PCDHGC3: variants seen among roughly 807,000 people sequenced by gnomAD.
PCDHGC3 encodes protocadherin gamma-C3.
A neutral mutation model predicts 59.2 loss-of-function variants in PCDHGC3; 26 were observed. The ratio of observed to expected loss-of-function variants is 0.44; its 90% CI spans 0.32 to 0.61. PCDHGC3 has a LOEUF of 0.61. Among genes scored for constraint, PCDHGC3 ranks in the 20% least tolerant of loss-of-function variants. The pLI is 0.05. For missense variants in PCDHGC3, 1,080 were observed against 1,221.8 expected (o/e 0.88, Z 1.73); for synonymous variants, 487 against 519.7 (o/e 0.94, Z 0.86).
In PCDHGC3 at chr5:141,478,118, G is replaced by A. The variant is rs1266841885; in HGVS notation, c.2002G>A (p.Glu668Lys). ...TGCTACCCTCACTGTGTCAGTAACCGAGGACTCTCCTGAAGCCCGAGCCGA... is the reference window on the plus strand; with the variant it reads ...TGCTACCCTCACTGTGTCAGTAACCAAGGACTCTCCTGAAGCCCGAGCCGA... ...TTATLTVSVTEDSPEARAEFP... is the reference protein window; with the variant it reads ...TTATLTVSVTKDSPEARAEFP... Residue 668 changes from glutamate (E) to lysine (K), a missense_variant, in exon 1 of 4, where the codon GAG (glutamate) becomes AAG (lysine). Coordinates refer to ENST00000308177, the MANE Select transcript of PCDHGC3 (RefSeq NM_002588.4). 6.2e-7 allele frequency: 1 copy of A among 1,613,930 alleles called. No individual in the cohort carries two copies. The highest frequency in any genetic ancestry group is 2.2e-5 in the East Asian group (1 of 44,888).
Position 141,490,055 on chromosome 5 carries a change from G to A in PCDHGC3, c.2431-4752G>A, listed in dbSNP as rs746297447. The A allele has an allele frequency of 1.9e-6, 3 of 1,614,068 alleles. No individual in the cohort carries two copies. The Admixed American group carries it at 5.0e-5, about 27-fold the overall frequency. On this transcript the variant is annotated intron_variant, in intron 1 of 3. Transcript: ENST00000308177. This position sits in a 1 kb window ranked among gnomAD's most constrained non-coding sequence, Gnocchi z 5.4. ...CTCAATGCCACTGATCCAGACGAGG[G>A]CACCAACGGCCAACTAGACTATTCT...
In PCDHGC3 at chr5:141,496,208, G is replaced by T. The variant is rs530974273; in HGVS notation, c.2489+1343G>T. On this transcript the variant is annotated intron_variant, in intron 2 of 3. Coordinates refer to ENST00000308177, the MANE Select transcript of PCDHGC3 (RefSeq NM_002588.4). Reference sequence around the variant, plus strand: ...CCAGCTGCTCATTTCAATCTGGTATGAATTCCTGCTGAGACAGGAACCCCC... The same window carrying T: ...CCAGCTGCTCATTTCAATCTGGTATTAATTCCTGCTGAGACAGGAACCCCC... Among the ~76,000 whole-genome samples, 13 of 152,222 alleles carry T rather than the reference G, an allele frequency of 8.5e-5. No homozygotes were observed. In the East Asian group the frequency reaches 2.3e-3, roughly 27 times the overall value.
rs2099394923 is a variant in PCDHGC3 at position 141,476,611 on chromosome 5, A to G, written c.495A>G (p.Gly165=). Residue 165 remains glycine, a synonymous_variant, in exon 1 of 4, where the codon GGA becomes GGG. Coordinates refer to ENST00000308177, the MANE Select transcript of PCDHGC3 (RefSeq NM_002588.4). The surrounding 1 kb of genome is among the most constrained non-coding windows in gnomAD (Gnocchi z 7.6). ...AGAGCGCGCACGATCCCGATGTGGG[A>G]AGCAACTCTTTACAAACCTATGAGC... ...PLESAHDPDV[G]SNSLQTYELS... 6.2e-7 allele frequency: 1 copy of G among 1,614,092 alleles called. No individual in the cohort carries two copies. Among genetic ancestry groups the G allele is most frequent in the Non-Finnish European group, 8.5e-7 (1 of 1,180,042 alleles).
Position 141,491,543 on chromosome 5 carries a change from A to G in PCDHGC3, c.2431-3264A>G. 6.2e-7 allele frequency: 1 copy of G among 1,613,842 alleles called. No individual in the cohort carries two copies. The highest frequency in any genetic ancestry group is 8.5e-7 in the Non-Finnish European group (1 of 1,179,982). ...ATGGAGGTGACGCTGCGGCCCACAG[A>G]CTCGCAGAGCCACTGCTACAGGACG... On this transcript the variant is annotated intron_variant, in intron 1 of 3. Coordinates refer to ENST00000308177, the MANE Select transcript of PCDHGC3 (RefSeq NM_002588.4). The surrounding 1 kb of genome is among the most constrained non-coding windows in gnomAD (Gnocchi z 6.9).
chr5:141,490,288 G>T lies in PCDHGC3; in HGVS notation c.2431-4519G>T, dbSNP rs2099698282. 1.2e-6 allele frequency: 2 copies of T among 1,614,080 alleles called. No homozygotes were observed. Among genetic ancestry groups the T allele is most frequent in the South Asian group, 1.1e-5 (1 of 91,092 alleles). On this transcript the variant is annotated intron_variant, in intron 1 of 3. Transcript: ENST00000308177. This position sits in a 1 kb window ranked among gnomAD's most constrained non-coding sequence, Gnocchi z 5.4. ...GGATGTCAATGACAATGCCCCAGAG[G>T]TGCTATTGGCCTCTTTGGCCAACCC...
At position 141,476,813 on chromosome 5, in the gene PCDHGC3, A is replaced by G. The variant is rs749333814; in HGVS notation, c.697A>G (p.Lys233Glu). The G allele has an allele frequency of 6.8e-6, 11 of 1,613,548 alleles. No individual in the cohort carries two copies. Among genetic ancestry groups the G allele is most frequent in the Non-Finnish European group, 9.3e-6 (11 of 1,180,022 alleles). Residue 233 changes from lysine to glutamate, a missense_variant, in exon 1 of 4, where the codon AAG becomes GAG. Physicochemically the swap from Lys to Glu is moderately conservative, Grantham distance 56. Transcript: ENST00000308177. The surrounding 1 kb of genome is among the most constrained non-coding windows in gnomAD (Gnocchi z 7.6). ...CTCCGCCAGCCTGCCTATTCACATC[A>G]AGGTGCTGGACGCGAATGACAATGC... ...ALSASLPIHI[K>E]VLDANDNAPV...
At position 141,476,901 on chromosome 5, in the gene PCDHGC3, G is replaced by C; in HGVS notation, c.785G>C (p.Arg262Pro). The change falls in exon 1 of 4, where the codon CGC becomes CCC. Residue 262 changes from arginine (R) to proline (P), a missense_variant. Coordinates refer to ENST00000308177, the MANE Select transcript of PCDHGC3 (RefSeq NM_002588.4). The surrounding 1 kb of genome is among the most constrained non-coding windows in gnomAD (Gnocchi z 7.6). ...RVLEDAPSGTRVVQVLATDLD... is the reference protein window; with the variant it reads ...RVLEDAPSGTPVVQVLATDLD... ...CTGGAGGATGCACCCTCCGGCACGC[G>C]CGTGGTACAAGTCCTTGCAACGGAT... The C allele has an allele frequency of 1.2e-6, 2 of 1,613,900 alleles. No homozygotes were observed. Among genetic ancestry groups the C allele is most frequent in the Non-Finnish European group, 1.7e-6 (2 of 1,180,034 alleles).
At chr5:141,496,799 G>C (rs2099771487) in intron 2 of PCDHGC3, among the ~76,000 whole-genome samples, 1 of 151,912 alleles carries the variant, frequency 6.6e-6, no homozygotes, top group African/African-American at 2.4e-5. Context: ...TAAACATTGG[G>C]CTATAGGAGT....
intron 1 of PCDHGC3, chr5:141,478,768 A>G: frequency 6.7e-7 from 1 of 1,501,046 alleles, no homozygotes; most frequent in African/African-American, 1.4e-5. Context: ...TACTTGACTC[A>G]TCTGTGGACC....
chr5:141,494,586 G>A (rs770159202), intron 1 of PCDHGC3, among the ~76,000 whole-genome samples: 1 of 152,112 alleles, frequency 6.6e-6, no homozygotes, highest in Non-Finnish European at 1.5e-5. Context: ...GCTCACTGTG[G>A]TCAGATGAAA....
In PCDHGC3 at chr5:141,476,466, A is replaced by C. The variant is rs771760524; in HGVS notation, c.350A>C (p.Glu117Ala). The C allele has an allele frequency of 6.2e-7, 1 of 1,613,996 alleles. No individual in the cohort carries two copies. ...TLELVVENPLELFSVEVVIQD... is the reference protein window; with the variant it reads ...TLELVVENPLALFSVEVVIQD... Reference sequence around the variant, plus strand: ...GAGTTGGTAGTGGAGAACCCGCTGGAGCTGTTCAGCGTGGAAGTGGTGATC... The same window carrying C: ...GAGTTGGTAGTGGAGAACCCGCTGGCGCTGTTCAGCGTGGAAGTGGTGATC... The change falls in exon 1 of 4, where the codon GAG (glutamate) becomes GCG (alanine). Residue 117 changes from glutamate (E) to alanine (A), a missense_variant. By Grantham distance (107) the Glu-to-Ala change is moderately radical (BLOSUM62 -1). Transcript: ENST00000308177. This position sits in a 1 kb window ranked among gnomAD's most constrained non-coding sequence, Gnocchi z 7.6.
At chr5:141,492,241 C>T (rs1351937353) in intron 1 of PCDHGC3, among the ~76,000 whole-genome samples, 1 of 152,186 alleles carries the variant, frequency 6.6e-6, no homozygotes, top group African/African-American at 2.4e-5. Flanking sequence ...TGCTGGCCAC[C>T]CCCACGGCCC....
Position 141,485,291 on chromosome 5 carries a change from CAGGA to C in PCDHGC3, c.2430+6749_2430+6752del. ...CCGCTACCCGGTCCCAGAGGAGTCA[CAGGA>C]AGGGACTTTTGTAGGGAATGTCGCT... On this transcript the variant is annotated intron_variant, in intron 1 of 3. Transcript: ENST00000308177. The surrounding 1 kb of genome is among the most constrained non-coding windows in gnomAD (Gnocchi z 5.7). 1 of 1,614,152 alleles carries C rather than the reference CAGGA, an allele frequency of 6.2e-7. No individual in the cohort carries two copies. Among genetic ancestry groups the C allele is most frequent in the Non-Finnish European group, 8.5e-7 (1 of 1,179,992 alleles).
rs372043756 is a variant in PCDHGC3 at position 141,476,212 on chromosome 5, C to G, written c.96C>G (p.Val32=). ...LLGALNKAST[V]IHYEIPEERE... is the part of the protein sequence containing the mutation. ...GTGCCTTGAACAAGGCTTCCACGGT[C>G]ATTCACTATGAGATCCCGGAGGAAA... The change falls in exon 1 of 4, where the codon GTC becomes GTG. Residue 32 remains valine, a synonymous_variant. Coordinates refer to ENST00000308177, the MANE Select transcript of PCDHGC3 (RefSeq NM_002588.4). The surrounding 1 kb of genome is among the most constrained non-coding windows in gnomAD (Gnocchi z 7.6). 6 of 1,613,932 alleles carry G rather than the reference C, an allele frequency of 3.7e-6. No individual in the cohort carries two copies. The highest frequency in any genetic ancestry group is 5.1e-6 in the Non-Finnish European group (6 of 1,180,012).
At position 141,489,157 on chromosome 5, in the gene PCDHGC3, C is replaced by A. The variant is rs1222682069; in HGVS notation, c.2431-5650C>A. 1.0e-6 allele frequency: 1 copy of A among 984,444 alleles called. No homozygotes were observed. The highest frequency in any genetic ancestry group is 1.6e-5 in the African/African-American group (1 of 61,296). The allele number at this position is 984,444 out of a possible 1,614,324, so 61.0% of individuals were successfully genotyped here. On this transcript the variant is annotated intron_variant, in intron 1 of 3. Coordinates refer to ENST00000308177, the MANE Select transcript of PCDHGC3 (RefSeq NM_002588.4). This position sits in a 1 kb window ranked among gnomAD's most constrained non-coding sequence, Gnocchi z 4.5. ...AGAGGCTGGAAGGAGACATAAGAGA[C>A]TTCAGCTGCTGCATTCCAAGCCCTG...
chr5:141,491,662 A>C lies in PCDHGC3; in HGVS notation c.2431-3145A>C. 2 of 1,613,770 alleles carry C rather than the reference A, an allele frequency of 1.2e-6. No homozygotes were observed. The highest frequency in any genetic ancestry group is 1.7e-6 in the Non-Finnish European group (2 of 1,180,018). ...AGCTCTGGCGCTGGAGCCTGACGCC[A>C]TCCGGTCCCGCTCTAATACGCTGCG... On this transcript the variant is annotated intron_variant, in intron 1 of 3. Coordinates refer to ENST00000308177, the MANE Select transcript of PCDHGC3 (RefSeq NM_002588.4). This position sits in a 1 kb window ranked among gnomAD's most constrained non-coding sequence, Gnocchi z 6.9.
chr5:141,498,053 G>A (rs2099781284), intron 2 of PCDHGC3, among the ~76,000 whole-genome samples: 1 of 152,204 alleles, frequency 6.6e-6, no homozygotes, highest in Non-Finnish European at 1.5e-5. Flanking sequence ...AAATAAATGT[G>A]AGACTGAAAC....
intron 3 of PCDHGC3, among the ~76,000 whole-genome samples, chr5:141,506,032 G>A (rs994735467): frequency 5.9e-5 from 9 of 152,166 alleles, no homozygotes; most frequent in Non-Finnish European, 1.0e-4. Context: ...TCCAGAGTAG[G>A]ATTCTGGTTT....
rs1250096461 is a variant in PCDHGC3 at position 141,485,533 on chromosome 5, G to A, written c.2430+6987G>A. 6.2e-7 allele frequency: 1 copy of A among 1,614,084 alleles called. No homozygotes were observed. Among genetic ancestry groups the A allele is most frequent in the Non-Finnish European group, 8.5e-7 (1 of 1,180,034 alleles). On this transcript the variant is annotated intron_variant, in intron 1 of 3. Coordinates refer to ENST00000308177, the MANE Select transcript of PCDHGC3 (RefSeq NM_002588.4). This position sits in a 1 kb window ranked among gnomAD's most constrained non-coding sequence, Gnocchi z 5.7. ...GTCCTTTGGAAATGTACCGAGCAGA[G>A]GTAGAGATCGTAGATGTGAATGATC...
Sources: allele counts gnomAD v4.1 joint callset (sites outside exome capture counted in the v4.1 genomes callset), GRCh38; gene constraint gnomAD v4.1.1; non-coding constraint Gnocchi (gnomAD v3.1); transcripts MANE v1.5; gene names NCBI Gene and HGNC (gene_info 2026-07-23, HGNC 2026-07-21).